The following IMMP2L variants were observed in gnomAD, a reference collection of about 807,000 sequenced individuals.
IMMP2L encodes the protein mitochondrial inner membrane protease subunit 2.
In IMMP2L, 18 loss-of-function variants were observed where a neutral mutation model predicts 19.3. The observed-to-expected ratio is 0.93, with a 90% CI of 0.64 to 1.38. IMMP2L has a LOEUF of 1.38. Ranked by LOEUF, IMMP2L falls within the 40% of genes most tolerant of loss-of-function variation. The pLI, the probability that IMMP2L is intolerant of heterozygous loss-of-function variation, is 0.00. For missense variants in IMMP2L, 233 were observed against 218.2 expected (o/e 1.07, Z -0.43); for synonymous variants, 76 against 73.0 (o/e 1.04, Z -0.21).
At chr7:111,037,095 C>T (rs535414907) in intron 3 of IMMP2L, among the ~76,000 whole-genome samples, 15 of 152,094 alleles carry the variant, frequency 9.9e-5, no homozygotes, top group African/African-American at 3.6e-4. Flanking sequence ...AAATTTTTTA[C>T]GAGGAAAAAT....
At chr7:110,998,258 T>C (rs964518622) in intron 3 of IMMP2L, among the ~76,000 whole-genome samples, 6 of 152,276 alleles carry the variant, frequency 3.9e-5, no homozygotes, top group African/African-American at 1.4e-4. Context: ...CCTAGGAATT[T>C]AGGGTTATGA....
Position 110,829,153 on chromosome 7 carries a change from A to C in IMMP2L, c.408+57440T>G, listed in dbSNP as rs1187628267. On this transcript the variant is annotated intron_variant, in intron 5 of 5. Transcript: ENST00000405709. ...CAAATAGGAGAGCAGAAATTCAAAA[A>C]GTTTATTCTGTACCTAGAAGATTAC... 3.3e-5 allele frequency among the ~76,000 whole-genome samples: 5 copies of C among 152,290 alleles called. No individual in the cohort carries two copies. In the East Asian group the frequency reaches 7.7e-4, roughly 24 times the overall value.
intron 3 of IMMP2L, among the ~76,000 whole-genome samples, chr7:111,276,831 A>C (rs1819125445): frequency 6.6e-6 from 1 of 152,110 alleles, no homozygotes; most frequent in South Asian, 2.1e-4. Context: ...CAACCAGCTG[A>C]TTTTCAACAA....
At chr7:111,520,873 A>G (rs79547520) in intron 2 of IMMP2L, among the ~76,000 whole-genome samples, 3,457 of 152,244 alleles carry the variant, frequency 0.023, 140 homozygotes, top group African/African-American at 0.079. Flanking sequence ...ACACAATACA[A>G]TATCTGGGAT....
intron 1 of IMMP2L, among the ~76,000 whole-genome samples, chr7:111,523,721 A>C (rs886968132): frequency 1.3e-5 from 2 of 152,250 alleles, no homozygotes; most frequent in East Asian, 3.9e-4. Flanking sequence ...ATTCAAACTC[A>C]TCTAACAACT....
intron 3 of IMMP2L, among the ~76,000 whole-genome samples, chr7:111,058,763 C>T (rs1034550070): frequency 7.2e-5 from 11 of 152,152 alleles, no homozygotes; most frequent in Non-Finnish European, 1.2e-4. Context: ...CTTAGGAAAA[C>T]ACCCACCCCC....
intron 3 of IMMP2L, among the ~76,000 whole-genome samples, chr7:111,233,375 T>C (rs936369934): frequency 4.6e-5 from 7 of 152,126 alleles, no homozygotes; most frequent in African/African-American, 1.7e-4. Context: ...CTTTTTGTAA[T>C]AATGTAAGGT....
At chr7:111,358,339 GT>G (rs1563098420) in intron 3 of IMMP2L, among the ~76,000 whole-genome samples, 1 of 151,440 alleles carries the variant, frequency 6.6e-6, no homozygotes, top group Non-Finnish European at 1.5e-5. Flanking sequence ...ACCCCGAAAC[GT>G]TAATGAAAGC....
chr7:111,063,036 C>G (rs1027752111), intron 3 of IMMP2L, among the ~76,000 whole-genome samples: 2 of 152,264 alleles, frequency 1.3e-5, no homozygotes, highest in Non-Finnish European at 2.9e-5. Flanking sequence ...CCAGTAGGGA[C>G]TCTGTGGGGA....
At chr7:111,523,535 C>T (rs1018095156) in intron 1 of IMMP2L, among the ~76,000 whole-genome samples, 2 of 152,018 alleles carry the variant, frequency 1.3e-5, no homozygotes, top group African/African-American at 4.8e-5. Context: ...CTGTAACTGA[C>T]ATCAATGAGG....
intron 3 of IMMP2L, among the ~76,000 whole-genome samples, chr7:111,249,695 T>C (rs1216774657): frequency 6.6e-6 from 1 of 152,186 alleles, no homozygotes; most frequent in Non-Finnish European, 1.5e-5. Flanking sequence ...GAAAAGGCCT[T>C]TGGTAAAATT....
intron 3 of IMMP2L, among the ~76,000 whole-genome samples, chr7:111,455,427 A>C (rs533738057): frequency 6.6e-6 from 1 of 152,184 alleles, no homozygotes; most frequent in East Asian, 1.9e-4. Context: ...TCTATCACTA[A>C]AAGTATGACT....
intron 3 of IMMP2L, among the ~76,000 whole-genome samples, chr7:111,112,670 G>A (rs1303350256): frequency 1.3e-5 from 2 of 152,216 alleles, no homozygotes; most frequent in East Asian, 1.9e-4. Context: ...AATTTAAGCA[G>A]GAAACAAACC....
intron 3 of IMMP2L, among the ~76,000 whole-genome samples, chr7:111,407,426 G>T (rs1035611040): frequency 6.6e-6 from 1 of 151,736 alleles, no homozygotes; most frequent in Non-Finnish European, 1.5e-5. Flanking sequence ...AATGGTGTGT[G>T]GATTAACAAA....
At chr7:111,379,336 G>A (rs968022097) in intron 3 of IMMP2L, among the ~76,000 whole-genome samples, 7 of 151,360 alleles carry the variant, frequency 4.6e-5, no homozygotes, top group African/African-American at 9.7e-5. Flanking sequence ...GTCAAGGAAC[G>A]TACCCAATGA....
chr7:111,438,782 C>T (rs1245468922), intron 3 of IMMP2L, among the ~76,000 whole-genome samples: 1 of 151,810 alleles, frequency 6.6e-6, no homozygotes, highest in Non-Finnish European at 1.5e-5. Context: ...TTACTAAACA[C>T]AGCCCTCTCA....
At chr7:111,347,607 G>A (rs1426105854) in intron 3 of IMMP2L, among the ~76,000 whole-genome samples, 1 of 151,946 alleles carries the variant, frequency 6.6e-6, no homozygotes, top group Non-Finnish European at 1.5e-5. Flanking sequence ...AAAGAGGGAA[G>A]GATGGCTACA....
chr7:110,759,881 A>C (rs1190611641), intron 5 of IMMP2L, among the ~76,000 whole-genome samples: 1 of 152,098 alleles, frequency 6.6e-6, no homozygotes, highest in Non-Finnish European at 1.5e-5. Context: ...AAAGTTGCTT[A>C]TTATTATTAG....
intron 5 of IMMP2L, among the ~76,000 whole-genome samples, chr7:110,690,380 C>T (rs990202266): frequency 3.3e-5 from 5 of 152,162 alleles, no homozygotes; most frequent in African/African-American, 1.2e-4. Flanking sequence ...GGAACCTCCA[C>T]ATTTCCTTTA....
Sources: gnomAD v4.1 joint callset for allele counts (sites outside exome capture counted in the v4.1 genomes callset) on GRCh38, gnomAD v4.1.1 for gene constraint, MANE v1.5 for transcripts, NCBI Gene and HGNC (gene_info 2026-07-23, HGNC 2026-07-21) for gene names.